The following ERAP1 variants were observed in gnomAD, a reference collection of about 807,000 sequenced individuals.
ERAP1 encodes adipocyte-derived leucine aminopeptidase.
A neutral mutation model predicts 103.7 loss-of-function variants in ERAP1; 86 were observed. That is an observed-to-expected ratio of 0.83 (90% CI 0.70 to 0.99). ERAP1 has a LOEUF of 0.99. Among genes scored for constraint, ERAP1 ranks in the 50% least tolerant of loss-of-function variants. The pLI is 0.00. For synonymous variants in ERAP1, 398 were observed against 402.4 expected, an observed-to-expected ratio of 0.99 and a Z score of 0.13; for missense variants, 1,009 against 1,128.4, an observed-to-expected ratio of 0.89 and a Z score of 1.52.
the ERAP1 span, among the ~76,000 whole-genome samples, chr5:96,883,591 G>A: frequency 1.3e-5 from 2 of 152,026 alleles, no homozygotes; most frequent in Non-Finnish European, 2.9e-5. Context: ...CCCAAAACAG[G>A]GCATTGCTTA....
At chr5:96,862,147 GTTTTATTTTTTTCT>G in the ERAP1 span, among the ~76,000 whole-genome samples, 5 of 152,000 alleles carry the variant, frequency 3.3e-5, no homozygotes, top group Non-Finnish European at 7.4e-5. Flanking sequence ...TGCCCAGCTA[GTTTTATTTTTTTCT>G]TTTTATTTTT....
chr5:96,803,283 A>G (rs1684685108), intron 2 of ERAP1, 120 bp downstream of exon 2: 2 of 1,068,532 alleles, frequency 1.9e-6, no homozygotes, highest in Non-Finnish European at 1.4e-6. Context: ...AGAAGATGCA[A>G]AAGCAAAACT....
At chr5:96,762,276 A>G (rs776171888) in exon 20 of ERAP1, 1 of 1,601,118 alleles carries the variant, frequency 6.2e-7, no homozygotes, top group Admixed American at 1.8e-5. Context: ...AATAAAAGAA[A>G]TTTGAAGATG....
chr5:96,805,356 T>TAAA (rs201671273), intron 1 of ERAP1, among the ~76,000 whole-genome samples: 2 of 133,438 alleles, frequency 1.5e-5, no homozygotes, highest in Admixed American at 7.4e-5. Context: ...GTTTTTTTTT[T>TAAA]TAAAAAAAAA....
chr5:96,829,423 C>A, the ERAP1 span, among the ~76,000 whole-genome samples: 25 of 152,254 alleles, frequency 1.6e-4, no homozygotes, highest in Admixed American at 1.3e-3. Flanking sequence ...ACATTATTTT[C>A]CCCATAGCAA....
At chr5:96,761,723 A>T (rs894304543) in exon 20 of ERAP1, 14 of 153,116 alleles carry the variant, frequency 9.1e-5, no homozygotes, top group African/African-American at 3.4e-4. Flanking sequence ...TAACGTTGAA[A>T]AAAAACCCTG....
rs6556939 is a variant in ERAP1, at chr5:96,794,365, A to T, written c.920-408T>A. The stretch of plus-strand genomic sequence containing the variant: ...CTCCACACTCAGCTAATATTTTTGT[A>T]CTTTTGTGGAAACAGGGTTTTGCCA... On this transcript the variant is annotated intron_variant, in intron 5 of 18. Coordinates refer to ENST00000443439, the MANE Select transcript of ERAP1 (RefSeq NM_001040458.3). Among the ~76,000 whole-genome samples, 523 of 151,480 alleles carry T rather than the reference A, an allele frequency of 3.5e-3. 1 individual carries two copies. Among genetic ancestry groups the T allele is most frequent in the African/African-American group, 0.012 (494 of 41,330 alleles).
the ERAP1 span, chr5:96,879,697 T>A: frequency 2.0e-5 from 33 of 1,613,626 alleles, no homozygotes; most frequent in East Asian, 7.4e-4. Flanking sequence ...TGTTCCATTC[T>A]TCTGCAATGG....
rs1777015478 is a variant in ERAP1 at position 96,793,863 on chromosome 5, C to G, written c.1014G>C (p.Lys338Asn). 1 of 1,613,530 alleles carries G rather than the reference C, an allele frequency of 6.2e-7. No individual in the cohort carries two copies. Among genetic ancestry groups the G allele is most frequent in the Non-Finnish European group, 8.5e-7 (1 of 1,179,432 alleles). The change falls in exon 6 of 19, where the codon AAG becomes AAC. Residue 338 changes from lysine (K) to asparagine (N), a missense_variant. Physicochemically the swap from Lys to Asn is moderately conservative, Grantham distance 94. Coordinates refer to ENST00000443439, the MANE Select transcript of ERAP1 (RefSeq NM_001040458.3). ...TGCCAAGCTTACTTGATGCAGAAGA[C>G]TTTTCTGCATCAAACAACAGAGCAG... is the stretch of plus-strand genomic sequence containing the variant. ...RESALLFDAEKSSASSKLGIT... is the reference protein window; with the variant it reads ...RESALLFDAENSSASSKLGIT...
chr5:96,844,964 T>A, the ERAP1 span, among the ~76,000 whole-genome samples: 6 of 152,112 alleles, frequency 3.9e-5, no homozygotes, highest in Admixed American at 6.6e-5. Flanking sequence ...GTGAGAAAAA[T>A]TATGTCTGAT....
At chr5:96,901,548 A>C in the ERAP1 span, 3 of 1,613,956 alleles carry the variant, frequency 1.9e-6, no homozygotes, top group Non-Finnish European at 2.5e-6. Context: ...AGAGATGATG[A>C]CTACATGGAC....
At chr5:96,877,592 ACT>A in the ERAP1 span, among the ~76,000 whole-genome samples, 1 of 152,232 alleles carries the variant, frequency 6.6e-6, no homozygotes, top group Non-Finnish European at 1.5e-5. Context: ...TAATTATTAC[ACT>A]GTTTTATGGT....
chr5:96,904,613 G>A, the ERAP1 span, among the ~76,000 whole-genome samples: 1 of 152,218 alleles, frequency 6.6e-6, no homozygotes, highest in Non-Finnish European at 1.5e-5. Context: ...TGAAAGGTGA[G>A]CTAAGAAGCA....
the ERAP1 span, among the ~76,000 whole-genome samples, chr5:96,920,931 G>A: frequency 1.3e-5 from 2 of 152,184 alleles, no homozygotes; most frequent in South Asian, 4.1e-4. Context: ...TTCCTTAAAA[G>A]GGTGTTAATT....
At chr5:96,788,882 T>G (rs1186506688) in intron 10 of ERAP1, among the ~76,000 whole-genome samples, 197 bp from the exon 11 acceptor site, 1 of 152,170 alleles carries the variant, frequency 6.6e-6, no homozygotes, top group African/African-American at 2.4e-5. Context: ...CTTGTCATTT[T>G]CCTCCACTAC....
the ERAP1 span, among the ~76,000 whole-genome samples, chr5:96,873,015 C>G: frequency 2.0e-3 from 310 of 152,008 alleles, 1 homozygote; most frequent in African/African-American, 7.1e-3. Context: ...ATGGTGAAAC[C>G]CCGTCTCTAC....
chr5:96,872,335 C>CAAA, the ERAP1 span, among the ~76,000 whole-genome samples: 11 of 127,430 alleles, frequency 8.6e-5, no homozygotes, highest in African/African-American at 3.0e-4. Flanking sequence ...GACCCTGTCT[C>CAAA]AAAAAAAAAA....
At chr5:96,871,682 A>C in the ERAP1 span, among the ~76,000 whole-genome samples, 1 of 152,196 alleles carries the variant, frequency 6.6e-6, no homozygotes, top group Non-Finnish European at 1.5e-5. Context: ...AAAAATTTTT[A>C]ATGCTGTAAA....
chr5:96,867,486 G>A, the ERAP1 span, among the ~76,000 whole-genome samples: 4 of 152,160 alleles, frequency 2.6e-5, no homozygotes, highest in Non-Finnish European at 5.9e-5. Flanking sequence ...GTCTTAGGTG[G>A]AATTCTTGAA....
Sources: allele counts gnomAD v4.1 joint callset (sites outside exome capture counted in the v4.1 genomes callset), GRCh38; gene constraint gnomAD v4.1.1; transcripts MANE v1.5; gene names NCBI Gene and HGNC (gene_info 2026-07-23, HGNC 2026-07-21).